RBPJ: variants seen among roughly 807,000 people sequenced by gnomAD.
The protein encoded by RBPJ is recombining binding protein suppressor of hairless.
A neutral mutation model predicts 67.8 loss-of-function variants in RBPJ; 9 were observed. That is an observed-to-expected ratio of 0.13 (90% CI 0.08 to 0.23). The LOEUF is 0.23. RBPJ is among the 10% of genes least tolerant of loss of function. The pLI, the probability that RBPJ is intolerant of heterozygous loss-of-function variation, is 1.00. For synonymous variants in RBPJ, 198 were observed against 203.3 expected (o/e 0.97, Z 0.22); for missense variants, 305 against 595.6 (o/e 0.51, Z 5.08).
At chr4:26,393,704 T>G (rs941348557) in intron 2 of RBPJ, among the ~76,000 whole-genome samples, 1 of 152,136 alleles carries the variant, frequency 6.6e-6, no homozygotes, top group Non-Finnish European at 1.5e-5. Flanking sequence ...TGTTTTTTTT[T>G]CCTCCATTTC....
chr4:26,183,786 G>A (rs915858562), intron 1 of RBPJ, among the ~76,000 whole-genome samples: 2 of 152,084 alleles, frequency 1.3e-5, no homozygotes, highest in Non-Finnish European at 2.9e-5. Flanking sequence ...GAGGCGAGCA[G>A]ATCACTTGAA....
intron 1 of RBPJ, chr4:26,322,270 A>T (rs1235517745): frequency 6.6e-6 from 1 of 152,208 alleles, no homozygotes; most frequent in Non-Finnish European, 1.5e-5. Flanking sequence ...ATAGTTTCAG[A>T]TAGCCACAAT....
At chr4:26,331,630 T>G in intron 1 of RBPJ, among the ~76,000 whole-genome samples, 1 of 152,314 alleles carries the variant, frequency 6.6e-6, no homozygotes, top group Non-Finnish European at 1.5e-5. Context: ...GTGCTGCTTA[T>G]GATCTTTGTC....
intron 1 of RBPJ, among the ~76,000 whole-genome samples, chr4:26,335,779 G>A (rs544190647): frequency 1.3e-5 from 2 of 151,440 alleles, no homozygotes; most frequent in African/African-American, 2.4e-5. Context: ...CACCACCTAC[G>A]CCCGGCTAAT....
chr4:26,255,142 C>G (rs1280523652), intron 1 of RBPJ, among the ~76,000 whole-genome samples: 2 of 141,614 alleles, frequency 1.4e-5, no homozygotes, highest in African/African-American at 5.3e-5. Flanking sequence ...TGGTGGCTCA[C>G]GCCTGTAATC....
chr4:26,396,976 A>G (rs910557198), intron 2 of RBPJ, among the ~76,000 whole-genome samples: 3 of 152,124 alleles, frequency 2.0e-5, no homozygotes, highest in African/African-American at 7.2e-5. Context: ...CTAGATTGTC[A>G]TTTTCAAAAC....
chr4:26,164,412 T>G (rs1454195028), intron 1 of RBPJ, among the ~76,000 whole-genome samples: 2 of 152,234 alleles, frequency 1.3e-5, no homozygotes, highest in African/African-American at 4.8e-5. Context: ...ACAAGTGGTT[T>G]CTGAGCTCTG....
chr4:26,405,422 TTTTACTA>T (rs1282874479), intron 2 of RBPJ, among the ~76,000 whole-genome samples: 2 of 151,898 alleles, frequency 1.3e-5, no homozygotes, highest in Non-Finnish European at 2.9e-5. Flanking sequence ...CTTGCTTTCT[TTTTACTA>T]TATAATATTG....
At chr4:26,178,606 TC>T (rs1716875350) in intron 1 of RBPJ, among the ~76,000 whole-genome samples, 1 of 38,804 alleles carries the variant, frequency 2.6e-5, no homozygotes, top group African/African-American at 8.1e-5. Context: ...AGACCCCGTA[TC>T]AAAAAAAAAA....
At chr4:26,237,015 T>C (rs1473427582) in intron 1 of RBPJ, among the ~76,000 whole-genome samples, 3 of 152,152 alleles carry the variant, frequency 2.0e-5, no homozygotes, top group African/African-American at 4.8e-5. Flanking sequence ...CAGAAAGCCG[T>C]AGAGCTCAGG....
chr4:26,194,926 C>A (rs1053828908), intron 1 of RBPJ, among the ~76,000 whole-genome samples: 1 of 152,226 alleles, frequency 6.6e-6, no homozygotes, highest in Admixed American at 6.5e-5. Flanking sequence ...TCCTACTAAC[C>A]CTCTCTGCCC....
intron 1 of RBPJ, among the ~76,000 whole-genome samples, chr4:26,194,068 T>G (rs1717666182): frequency 6.6e-6 from 1 of 152,248 alleles, no homozygotes; most frequent in South Asian, 2.1e-4. Context: ...ATTATCCCAG[T>G]GTCACCTGCA....
At chr4:26,425,521 A>C (rs1186629280) in intron 7 of RBPJ, among the ~76,000 whole-genome samples, 1 of 152,080 alleles carries the variant, frequency 6.6e-6, no homozygotes, top group African/African-American at 2.4e-5. Flanking sequence ...AAGTGGGAGG[A>C]TCACTTGAGC....
intron 1 of RBPJ, among the ~76,000 whole-genome samples, chr4:26,242,456 A>G (rs1228665263): frequency 6.6e-6 from 1 of 151,672 alleles, no homozygotes; most frequent in Non-Finnish European, 1.5e-5. Context: ...CAAAAAAAAA[A>G]AAAAAGAAAA....
At chr4:26,185,586 C>T (rs556489451) in intron 1 of RBPJ, among the ~76,000 whole-genome samples, 2 of 152,152 alleles carry the variant, frequency 1.3e-5, no homozygotes, top group South Asian at 4.1e-4. Context: ...CAGAGTCCCT[C>T]GGTCTCCACC....
At chr4:26,341,660 C>G (rs961329758) in intron 1 of RBPJ, among the ~76,000 whole-genome samples, 2 of 151,630 alleles carry the variant, frequency 1.3e-5, no homozygotes, top group Non-Finnish European at 2.9e-5. Flanking sequence ...AAAACAAAAC[C>G]AAACAAAACT....
intron 1 of RBPJ, among the ~76,000 whole-genome samples, chr4:26,233,346 A>G (rs1719350833): frequency 6.6e-6 from 1 of 152,238 alleles, no homozygotes; most frequent in Non-Finnish European, 1.5e-5. Context: ...TCTGTTTCAC[A>G]TTTTCTGTGT....
chr4:26,225,927 C>T lies in RBPJ; in HGVS notation c.-167+62313C>T, dbSNP rs182484299. On this transcript the variant is annotated intron_variant, in intron 1 of 4. Transcript: ENST00000512351. ...CTTTGGGACGCTGAGGTGGATAGAT[C>T]GCCTGAGGTCAGGAGTTCAAGACCA... 3.3e-5 allele frequency among the ~76,000 whole-genome samples: 5 copies of T among 151,988 alleles called. No individual in the cohort carries two copies. The East Asian group carries it at 9.7e-4, about 29-fold the overall frequency.
At chr4:26,265,806 AG>A (rs1219307961) in intron 1 of RBPJ, among the ~76,000 whole-genome samples, 1 of 152,088 alleles carries the variant, frequency 6.6e-6, no homozygotes, top group Non-Finnish European at 1.5e-5. Context: ...TGGGAGGCTG[AG>A]GTGGGTGGAT....
Sources: gnomAD v4.1 joint callset for allele counts (sites outside exome capture counted in the v4.1 genomes callset) on GRCh38, gnomAD v4.1.1 for gene constraint, MANE v1.5 for transcripts, NCBI Gene and HGNC (gene_info 2026-07-23, HGNC 2026-07-21) for gene names.